NELL1: variants seen among roughly 807,000 people sequenced by gnomAD.
NELL1 encodes neural EGFL like 1.
A neutral mutation model predicts 107.4 loss-of-function variants in NELL1; 76 were observed. The ratio of observed to expected loss-of-function variants is 0.71; its 90% confidence interval spans 0.59 to 0.86. The LOEUF (loss-of-function observed/expected upper bound fraction) is 0.86. Ranked by LOEUF, NELL1 falls within the 40% of genes least tolerant of loss-of-function variation. NELL1 has a pLI of 0.00. For synonymous variants in NELL1, 353 were observed against 341.2 expected, an observed-to-expected ratio of 1.03 and a Z score of -0.38; for missense variants, 1,024 against 1,005.5, an observed-to-expected ratio of 1.02 and a Z score of -0.25.
rs189157253 is a variant in NELL1, at chr11:20,875,265, C to T, written c.507-10179C>T. ...CAGCATATTTACCCTAACTTTGGAC[C>T]CTTTTCATTTTTCCGTGTGAAATTT... On this transcript the variant is annotated intron_variant, in intron 4 of 19. Coordinates refer to ENST00000357134, the MANE Select transcript of NELL1 (RefSeq NM_006157.5). Among the ~76,000 whole-genome samples, 7 of 152,064 alleles carry T rather than the reference C, an allele frequency of 4.6e-5. No individual in the cohort carries two copies. The South Asian group carries it at 1.5e-3, about 32-fold the overall frequency.
chr11:20,967,074 G>A (rs1248836127), intron 12 of NELL1, among the ~76,000 whole-genome samples: 10 of 151,844 alleles, frequency 6.6e-5, no homozygotes, highest in Admixed American at 4.6e-4. Context: ...TTTTTACCAC[G>A]CTTCATGCTT....
chr11:21,558,732 C>T (rs1011858114), intron 16 of NELL1, among the ~76,000 whole-genome samples: 3 of 151,890 alleles, frequency 2.0e-5, no homozygotes, highest in East Asian at 1.9e-4. Flanking sequence ...ATAACTGTTA[C>T]GTGTAAAATG....
intron 5 of NELL1, among the ~76,000 whole-genome samples, chr11:20,915,722 T>TTA (rs1850240067): frequency 1.6e-5 from 2 of 124,070 alleles, no homozygotes; most frequent in South Asian, 5.6e-4. Flanking sequence ...TATATATTTT[T>TTA]TTTTTTTTTT....
chr11:21,322,568 C>T (rs1224326565), intron 14 of NELL1, among the ~76,000 whole-genome samples: 1 of 152,124 alleles, frequency 6.6e-6, no homozygotes, highest in African/African-American at 2.4e-5. Flanking sequence ...AATGCTATTA[C>T]TTATATACTC....
rs1182363586 is a variant in NELL1 at position 21,364,651 on chromosome 11, T to C, written c.1550-6202T>C. Among the ~76,000 whole-genome samples, 21 of 152,170 alleles carry C rather than the reference T, an allele frequency of 1.4e-4. 1 individual carries two copies. The highest frequency in any genetic ancestry group is 4.4e-5 in the Non-Finnish European group (3 of 68,040). On this transcript the variant is annotated intron_variant, in intron 14 of 19. Coordinates refer to ENST00000357134, the MANE Select transcript of NELL1 (RefSeq NM_006157.5). ...TTATGTTTCTGTTTATATGTGCATA[T>C]AAAGGTCTTTAATAAAAATTTTATT...
At chr11:21,083,988 G>T (rs1010989206) in intron 12 of NELL1, among the ~76,000 whole-genome samples, 4 of 152,126 alleles carry the variant, frequency 2.6e-5, no homozygotes, top group African/African-American at 9.7e-5. Context: ...ACTTGGCAGG[G>T]ACATGATCAT....
chr11:20,969,537 A>G (rs1225072359), intron 12 of NELL1, among the ~76,000 whole-genome samples: 1 of 152,022 alleles, frequency 6.6e-6, no homozygotes, highest in East Asian at 1.9e-4. Flanking sequence ...TGCTTAGAGG[A>G]CTAAGCAGAT....
At chr11:21,553,132 T>C (rs1856630528) in intron 16 of NELL1, among the ~76,000 whole-genome samples, 1 of 151,836 alleles carries the variant, frequency 6.6e-6, no homozygotes, top group Non-Finnish European at 1.5e-5. Context: ...TCCCTGTGAC[T>C]AAGACCTTTC....
chr11:21,136,478 G>A (rs568711604), intron 13 of NELL1, among the ~76,000 whole-genome samples: 12 of 152,298 alleles, frequency 7.9e-5, no homozygotes, highest in African/African-American at 2.4e-4. Context: ...GTATTTAGTA[G>A]CATTTCCTAT....
chr11:20,838,578 G>A (rs576707420), intron 3 of NELL1, among the ~76,000 whole-genome samples: 12 of 151,954 alleles, frequency 7.9e-5, no homozygotes, highest in Admixed American at 6.6e-4. Flanking sequence ...TGCCTATGAG[G>A]GTTGTTGGAT....
At chr11:20,975,965 C>T (rs1025715440) in intron 12 of NELL1, among the ~76,000 whole-genome samples, 1 of 95,508 alleles carries the variant, frequency 1.0e-5, no homozygotes, top group African/African-American at 4.7e-5. Context: ...ATTATATATA[C>T]ATTATATATA....
chr11:21,223,440 T>C (rs984818963), intron 13 of NELL1, among the ~76,000 whole-genome samples: 2 of 152,164 alleles, frequency 1.3e-5, no homozygotes, highest in South Asian at 2.1e-4. Context: ...CCTTTACTTT[T>C]AGATGGTGTG....
chr11:21,286,531 G>A (rs10833492), intron 14 of NELL1, among the ~76,000 whole-genome samples: 69,885 of 151,954 alleles, frequency 0.46, 16,292 homozygotes, highest in South Asian at 0.66. Flanking sequence ...CTATCCACTC[G>A]TACCACTCTT....
intron 12 of NELL1, among the ~76,000 whole-genome samples, chr11:20,963,264 C>T (rs1851325010): frequency 6.6e-6 from 1 of 152,082 alleles, no homozygotes; most frequent in South Asian, 2.1e-4. Context: ...CAACTCTACC[C>T]CTATTACCAC....
chr11:21,045,018 G>A (rs1487109237), intron 12 of NELL1, among the ~76,000 whole-genome samples: 1 of 152,108 alleles, frequency 6.6e-6, no homozygotes. Flanking sequence ...GTTTAGCCTG[G>A]GCAAGTACAT....
At chr11:21,409,187 T>A (rs1225274645) in intron 15 of NELL1, among the ~76,000 whole-genome samples, 2 of 152,084 alleles carry the variant, frequency 1.3e-5, no homozygotes, top group Non-Finnish European at 2.9e-5. Context: ...AACCCAAATG[T>A]CCAACAATGA....
At chr11:21,459,800 G>T (rs1853852199) in intron 15 of NELL1, among the ~76,000 whole-genome samples, 1 of 152,020 alleles carries the variant, frequency 6.6e-6, no homozygotes, top group Non-Finnish European at 1.5e-5. Flanking sequence ...AGGTGGTAAA[G>T]TGGGATGACT....
chr11:21,310,338 C>T (rs1294747580), intron 14 of NELL1, among the ~76,000 whole-genome samples: 1 of 151,996 alleles, frequency 6.6e-6, no homozygotes, highest in Non-Finnish European at 1.5e-5. Context: ...ATTACCTTGA[C>T]ATTTAGTGCT....
intron 14 of NELL1, among the ~76,000 whole-genome samples, chr11:21,370,222 C>T (rs928079676): frequency 1.3e-5 from 2 of 151,928 alleles, no homozygotes; most frequent in African/African-American, 4.8e-5. Flanking sequence ...CCTAAAAATC[C>T]ATACCCTTGG....
Sources: gnomAD v4.1 joint callset for allele counts (sites outside exome capture counted in the v4.1 genomes callset) on GRCh38, gnomAD v4.1.1 for gene constraint, MANE v1.5 for transcripts, NCBI Gene and HGNC (gene_info 2026-07-23, HGNC 2026-07-21) for gene names.